IKZF4: variants seen among roughly 807,000 people sequenced by gnomAD.
IKZF4 encodes the protein zinc finger protein Eos.
A neutral mutation model predicts 47.7 loss-of-function variants in IKZF4; 11 were observed. The ratio of observed to expected loss-of-function variants is 0.23; its 90% confidence interval spans 0.15 to 0.38. The LOEUF is 0.38. IKZF4 is among the 10% of genes least tolerant of loss of function. IKZF4 has a pLI of 1.00. For missense variants in IKZF4, 557 were observed against 784.9 expected (o/e 0.71, Z 3.47); for synonymous variants, 298 against 299.4 (o/e 1.00, Z 0.05).
At chr12:56,013,188 G>A (rs1891548920) in intron 2 of IKZF4, among the ~76,000 whole-genome samples, 1 of 151,904 alleles carries the variant, frequency 6.6e-6, no homozygotes, top group Non-Finnish European at 1.5e-5. Flanking sequence ...CTGAGTGACG[G>A]TTATGTTGCT....
At chr12:56,023,312 G>A (rs1474039854) in intron 1 of IKZF4, among the ~76,000 whole-genome samples, 1 of 152,126 alleles carries the variant, frequency 6.6e-6, no homozygotes, top group Non-Finnish European at 1.5e-5. Flanking sequence ...CACTAATAAA[G>A]GGAATAAGAA....
Position 56,021,523 on chromosome 12 carries a change from T to C in IKZF4, c.30T>C (p.Arg10=). MHTPPALPR[R]FQGGGRVRTP... is the part of the protein sequence containing the mutation. ...ATACACCACCCGCACTCCCTCGCCG[T>C]TTCCAAGGCGGCGGCCGCGTTCGCA... is the stretch of plus-strand genomic sequence containing the variant. Residue 10 remains arginine, a synonymous_variant, in exon 1 of 8, where the codon CGT becomes CGC. Transcript: ENST00000547167. 6.2e-7 allele frequency: 1 copy of C among 1,608,114 alleles called. No individual in the cohort carries two copies. The highest frequency in any genetic ancestry group is 1.1e-5 in the South Asian group (1 of 89,858).
rs144131368 is a variant in IKZF4, at chr12:56,021,536, G to A, written c.43G>A (p.Gly15Ser). Residue 15 changes from glycine (G) to serine (S), a missense_variant, in exon 1 of 8, where the codon GGC (glycine) becomes AGC (serine). By Grantham distance (56) the Gly-to-Ser change is moderately conservative (BLOSUM62 0). Around this residue, in one of 6 missense-constraint regions of IKZF4, gnomAD observed 44 missense variants for 39.7 expected, o/e 1.11. Coordinates refer to ENST00000547167, the MANE Select transcript of IKZF4 (RefSeq NM_022465.4). ...ACTCCCTCGCCGTTTCCAAGGCGGC[G>A]GCCGCGTTCGCACCCCAGGGTCTCA... ...PALPRRFQGG[G>S]RVRTPGSHRQ... 150 of 1,609,342 alleles carry A rather than the reference G, an allele frequency of 9.3e-5. No homozygotes were observed. Among genetic ancestry groups the A allele is most frequent in the Middle Eastern group, 1.7e-4 (1 of 6,056 alleles).
At chr12:56,011,232 G>GAGC (rs1286792618) in intron 1 of IKZF4, 1 of 152,098 alleles carries the variant, frequency 6.6e-6, no homozygotes, top group Admixed American at 6.5e-5. Flanking sequence ...TATAAACAGA[G>GAGC]AGCTATACTT....
At chr12:56,028,416 C>A (rs933995913) in intron 5 of IKZF4, among the ~76,000 whole-genome samples, 28 of 151,310 alleles carry the variant, frequency 1.9e-4, no homozygotes, top group African/African-American at 6.1e-4. Flanking sequence ...ACCTGTAGTC[C>A]CAGCTACTTG....
Position 56,035,635 on chromosome 12 carries a change from A to G in IKZF4, c.*304A>G. 1 of 255,818 alleles carries G rather than the reference A, an allele frequency of 3.9e-6. No homozygotes were observed. The highest frequency in any genetic ancestry group is 7.5e-6 in the Non-Finnish European group (1 of 133,020). 15.8% of individuals were successfully genotyped at this position (255,818 alleles called of 1,614,324 possible). On this transcript the variant is annotated 3_prime_UTR_variant, in exon 8 of 8. Transcript: ENST00000547167. This position sits in a 1 kb window ranked among gnomAD's most constrained non-coding sequence, Gnocchi z 6.1. ...TTTTAAATTTTAACTTATATCAGTC[A>G]CTTGCCACTCCCCCACCCTCCTGTC...
rs1249384648 is a variant in IKZF4 at position 56,035,027 on chromosome 12, T to C, written c.1454T>C (p.Ile485Thr). The change falls in exon 8 of 8, where the codon ATT becomes ACT. Residue 485 changes from isoleucine to threonine, a missense_variant. Coordinates refer to ENST00000547167, the MANE Select transcript of IKZF4 (RefSeq NM_022465.4). The surrounding 1 kb of genome is among the most constrained non-coding windows in gnomAD (Gnocchi z 6.1). Reference sequence around the variant, plus strand: ...CCCCCACCCCAGCCACCTCCCACCATTGTGGTGGGCCGGCACAGTCCTGCC... The same window carrying C: ...CCCCCACCCCAGCCACCTCCCACCACTGTGGTGGGCCGGCACAGTCCTGCC... ...QGPPPQPPPTIVVGRHSPAYA... is the reference protein window; with the variant it reads ...QGPPPQPPPTTVVGRHSPAYA... 6.4e-7 allele frequency: 1 copy of C among 1,558,854 alleles called. No homozygotes were observed. Among genetic ancestry groups the C allele is most frequent in the Non-Finnish European group, 8.7e-7 (1 of 1,151,138 alleles).
chr12:56,033,871 G>T (rs1593000888), intron 7 of IKZF4, among the ~76,000 whole-genome samples: 1 of 152,096 alleles, frequency 6.6e-6, no homozygotes, highest in East Asian at 1.9e-4. Context: ...AAGGGACAGG[G>T]TCGAGGCATC....
At chr12:56,024,534 T>C (rs1189039505) in intron 2 of IKZF4, 13 of 634,610 alleles carry the variant, frequency 2.0e-5, no homozygotes, top group Non-Finnish European at 2.6e-5. Flanking sequence ...TTAAATGAAA[T>C]TATTCATTTC....
In IKZF4 at chr12:56,037,243, A is replaced by T. The variant is rs977837769; in HGVS notation, c.*1912A>T. On this transcript the variant is annotated 3_prime_UTR_variant, in exon 8 of 8. Coordinates refer to ENST00000547167, the MANE Select transcript of IKZF4 (RefSeq NM_022465.4). ...ACTCTGAGGTTTCCCCAAGAGAACC[A>T]GATTGGCAGGGAGAAGCATTGTGGG... 6.6e-6 allele frequency: 1 copy of T among 152,644 alleles called. No individual in the cohort carries two copies. The highest frequency in any genetic ancestry group is 1.5e-5 in the Non-Finnish European group (1 of 68,060). 9.5% of individuals were successfully genotyped at this position (152,644 alleles called of 1,614,324 possible). A position where few individuals can be genotyped will look rare whatever the true frequency, so the allele number is the denominator to read the frequency against.
intron 3 of IKZF4, among the ~76,000 whole-genome samples, chr12:56,026,063 G>C (rs1565823332): frequency 6.6e-6 from 1 of 152,134 alleles, no homozygotes; most frequent in Non-Finnish European, 1.5e-5. Context: ...AGCCTCCGAA[G>C]TAGCTGGGAT....
At chr12:56,013,004 TAATA>T (rs1273846683) in intron 2 of IKZF4, among the ~76,000 whole-genome samples, 5 of 152,146 alleles carry the variant, frequency 3.3e-5, no homozygotes, top group African/African-American at 9.7e-5. Flanking sequence ...CTAGTAAATA[TAATA>T]AATAAATAAG....
At chr12:56,028,855 CGTG>C (rs34813703) in intron 5 of IKZF4, among the ~76,000 whole-genome samples, 38,649 of 151,906 alleles carry the variant, frequency 0.25, 5,466 homozygotes, top group Non-Finnish European at 0.33. Context: ...GGATTACAGG[CGTG>C]GTGTCAGCCA....
chr12:56,023,088 C>T (rs534151614), intron 1 of IKZF4, among the ~76,000 whole-genome samples: 2 of 152,236 alleles, frequency 1.3e-5, no homozygotes, highest in East Asian at 1.9e-4. Flanking sequence ...CGTGAGCCAC[C>T]GCGCCCGGCC....
At chr12:56,024,819 AGGCCTAGATAAAGGT>A in intron 2 of IKZF4, 1 of 1,375,414 alleles carries the variant, frequency 7.3e-7, no homozygotes, top group South Asian at 1.5e-5. Context: ...TCTTGCCCTC[AGGCCTAGATAAAGGT>A]AGGGTAGGCA....
intron 3 of IKZF4, 149 bp from the exon 4 acceptor site, chr12:56,026,632 C>T (rs1894050818): frequency 2.6e-6 from 2 of 766,450 alleles, no homozygotes; most frequent in African/African-American, 3.7e-5. Flanking sequence ...GAGGTTGCGT[C>T]GAGCCAAATT....
At chr12:56,034,512 C>A in intron 7 of IKZF4, 59 bp from the exon 8 acceptor site, 1 of 1,500,054 alleles carries the variant, frequency 6.7e-7, no homozygotes, top group South Asian at 1.3e-5. Context: ...AAGAAGTAAT[C>A]CTGAGGAGAG....
upstream of IKZF4, among the ~76,000 whole-genome samples, chr12:56,017,526 G>A (rs1892277445): frequency 6.6e-6 from 1 of 152,092 alleles, no homozygotes; most frequent in Admixed American, 6.6e-5. Context: ...CCTCAGGGCT[G>A]AGGTGTAATC....
Position 56,021,514 on chromosome 12 carries a change from C to T in IKZF4, c.21C>T (p.Leu7=), listed in dbSNP as rs1892958965. MHTPPA[L]PRRFQGGGRV... is the part of the protein sequence containing the mutation. ...CAGACATGCATACACCACCCGCACT[C>T]CCTCGCCGTTTCCAAGGCGGCGGCC... is the stretch of plus-strand genomic sequence containing the variant. The change falls in exon 1 of 8, where the codon CTC becomes CTT. Residue 7 remains leucine (L), a synonymous_variant. Transcript: ENST00000547167. The T allele has an allele frequency of 6.2e-7, 1 of 1,606,476 alleles. No individual in the cohort carries two copies. Among genetic ancestry groups the T allele is most frequent in the East Asian group, 2.3e-5 (1 of 44,400 alleles).
Sources: gnomAD v4.1 joint callset for allele counts (sites outside exome capture counted in the v4.1 genomes callset) on GRCh38, gnomAD v4.1.1 for gene constraint, gnomAD v4.1.1 regional missense constraint, Gnocchi (gnomAD v3.1) non-coding constraint, MANE v1.5 for transcripts, NCBI Gene and HGNC (gene_info 2026-07-23, HGNC 2026-07-21) for gene names.